Variants in CD58 observed in about 807,000 individuals in gnomAD.
CD58 encodes CD58 molecule, also known as lymphocyte function-associated antigen 3.
A neutral mutation model predicts 27.6 loss-of-function variants in CD58; 14 were observed. The observed-to-expected ratio is 0.51, with a 90% confidence interval of 0.34 to 0.79. CD58 has a LOEUF of 0.79. Ranked by LOEUF, CD58 falls within the 30% of genes least tolerant of loss-of-function variation. The pLI is 0.02. For missense variants in CD58, 268 were observed against 301.7 expected (o/e 0.89, Z 0.83); for synonymous variants, 117 against 103.8 (o/e 1.13, Z -0.77).
rs1051711920 is a variant in CD58, at chr1:116,559,928, G to C, written c.70+10975C>G. The C allele has an allele frequency of 3.9e-5, 6 of 153,894 alleles. No individual in the cohort carries two copies. The highest frequency in any genetic ancestry group is 3.3e-4 in the Admixed American group (5 of 15,284). The allele number at this position is 153,894 out of a possible 1,614,324, so 9.5% of individuals were successfully genotyped here. On this transcript the variant is annotated intron_variant, in intron 1 of 5. Coordinates refer to ENST00000369489, the MANE Select transcript of CD58 (RefSeq NM_001779.3). The surrounding 1 kb of genome is among the most constrained non-coding windows in gnomAD (Gnocchi z 4.4). ...ACCTGAAATATGGTTAGTTCAAATG[G>C]AGATGTGTTCTGAGTATCAAATACA...
At chr1:116,567,177 A>AGAAGG (rs536890121) in intron 1 of CD58, among the ~76,000 whole-genome samples, 15,711 of 118,488 alleles carry the variant, frequency 0.13, 1,613 homozygotes, top group Non-Finnish European at 0.2. Flanking sequence ...AAAGAAGGAA[A>AGAAGG]GAAGGGAAGG....
chr1:116,549,435 A>G (rs1430859734), intron 1 of CD58, among the ~76,000 whole-genome samples: 1 of 152,212 alleles, frequency 6.6e-6, no homozygotes, highest in Admixed American at 6.5e-5. Flanking sequence ...GAGCAATGGC[A>G]TGAGAAAAGT....
At chr1:116,568,849 G>A (rs1002931100) in intron 1 of CD58, among the ~76,000 whole-genome samples, 2 of 152,220 alleles carry the variant, frequency 1.3e-5, no homozygotes, top group Admixed American at 1.3e-4. Flanking sequence ...CCAAAGCTAG[G>A]CATCTGACCC....
intron 1 of CD58, among the ~76,000 whole-genome samples, chr1:116,547,503 G>C (rs778080770): frequency 2.7e-5 from 4 of 150,494 alleles, no homozygotes; most frequent in Non-Finnish European, 5.9e-5. Context: ...TTTTTTTTTT[G>C]TATTTTTAGT....
At position 116,526,314 on chromosome 1, in the gene CD58, G is replaced by A. The variant is rs114850828; in HGVS notation, c.629-4331C>T. ...TCTCTTATGTTTTAGGAGTCTTATG[G>A]TTTTGCATTTTACATTTAGATCTAT... On this transcript the variant is annotated intron_variant, in intron 3 of 5. Transcript: ENST00000369489. 1.6e-3 allele frequency among the ~76,000 whole-genome samples: 249 copies of A among 152,204 alleles called. 1 individual carries two copies. The highest frequency in any genetic ancestry group is 5.7e-3 in the African/African-American group (235 of 41,544).
rs1019546830 is a variant in CD58 at position 116,557,988 on chromosome 1, G to C, written c.70+12915C>G. Among the ~76,000 whole-genome samples the C allele has an allele frequency of 2.0e-5, 3 of 151,914 alleles. No individual in the cohort carries two copies. The highest frequency in any genetic ancestry group is 4.8e-5 in the African/African-American group (2 of 41,356). On this transcript the variant is annotated intron_variant, in intron 1 of 5. Coordinates refer to ENST00000369489, the MANE Select transcript of CD58 (RefSeq NM_001779.3). The surrounding 1 kb of genome is among the most constrained non-coding windows in gnomAD (Gnocchi z 5.2). The stretch of plus-strand genomic sequence containing the variant: ...CATGCCCAGCCAATGCCATACCTTA[G>C]AGACAAGCTAATCACTCTTCCGGGA...
Position 116,536,276 on chromosome 1 carries a change from A to G in CD58, c.365-48T>C. The G allele has an allele frequency of 7.0e-7, 1 of 1,431,394 alleles. No individual in the cohort carries two copies. The allele number at this position is 1,431,394 out of a possible 1,614,324, so 88.7% of individuals were successfully genotyped here. A position where few individuals can be genotyped will look rare whatever the true frequency, so the allele number is the denominator to read the frequency against. ...TAGTACAGAAAATAGTAATATTTAGACTTATCATCTGCAAATTTATGAAGA... is the reference window on the plus strand; with the variant it reads ...TAGTACAGAAAATAGTAATATTTAGGCTTATCATCTGCAAATTTATGAAGA... On this transcript the variant is annotated intron_variant, in intron 2 of 5. Transcript: ENST00000369489. This position sits in a 1 kb window ranked among gnomAD's most constrained non-coding sequence, Gnocchi z 5.4.
At chr1:116,562,525 G>A (rs773989808) in intron 1 of CD58, among the ~76,000 whole-genome samples, 24 of 152,006 alleles carry the variant, frequency 1.6e-4, no homozygotes, top group Non-Finnish European at 2.4e-4. Flanking sequence ...GTCCATTCTC[G>A]CACTGCTAAT....
At chr1:116,525,003 C>T (rs1657385504) in intron 3 of CD58, among the ~76,000 whole-genome samples, 1 of 152,208 alleles carries the variant, frequency 6.6e-6, no homozygotes, top group Non-Finnish European at 1.5e-5. Context: ...ATAGCCTCCC[C>T]ATTATCAATA....
chr1:116,521,970 G>C lies in CD58; in HGVS notation c.642C>G (p.His214Gln), dbSNP rs370263320. Residue 214 changes from histidine (H) to glutamine (Q), a missense_variant, in exon 4 of 6, where the codon CAC becomes CAG. Transcript: ENST00000369489. This position sits in a 1 kb window ranked among gnomAD's most constrained non-coding sequence, Gnocchi z 5.6. ...TCIPSSGHSR[H>Q]RYALIPIPLA... The stretch of plus-strand genomic sequence containing the variant: ...ATGGTATGGGTATAAGTGCATATCT[G>C]TGTCTTGAATGACCTATAAAAAAGA... 16 of 1,566,024 alleles carry C rather than the reference G, an allele frequency of 1.0e-5. No homozygotes were observed. The African/African-American group carries it at 2.2e-4, about 21-fold the overall frequency.
At chr1:116,554,304 T>C (rs886293868) in intron 1 of CD58, among the ~76,000 whole-genome samples, 1 of 152,120 alleles carries the variant, frequency 6.6e-6, no homozygotes. Flanking sequence ...CAGGATATTC[T>C]CCTTTTATTA....
chr1:116,562,652 T>C (rs1658794089), intron 1 of CD58, among the ~76,000 whole-genome samples: 1 of 152,202 alleles, frequency 6.6e-6, no homozygotes, highest in South Asian at 2.1e-4. Flanking sequence ...AGCAAAGTCA[T>C]GTCTTAATGG....
intron 1 of CD58, among the ~76,000 whole-genome samples, chr1:116,565,729 T>G (rs1244151540): frequency 4.0e-5 from 6 of 149,326 alleles, no homozygotes; most frequent in South Asian, 2.1e-4. Flanking sequence ...GTTTTTTTGT[T>G]TTTTTTTTTT....
rs1658361151 is a variant in CD58 at position 116,550,695 on chromosome 1, T to G, written c.71-6091A>C. ...AACCACAAATATTCTTAATGACATC[T>G]AGAATGCTGAATCCTTTCAGAAGGT... On this transcript the variant is annotated intron_variant, in intron 1 of 5. Transcript: ENST00000369489. The surrounding 1 kb of genome is among the most constrained non-coding windows in gnomAD (Gnocchi z 4.2). Among the ~76,000 whole-genome samples the G allele has an allele frequency of 6.6e-6, 1 of 152,170 alleles. No homozygotes were observed. The highest frequency in any genetic ancestry group is 6.5e-5 in the Admixed American group (1 of 15,278).
chr1:116,537,916 A>G (rs1657869798), intron 2 of CD58, among the ~76,000 whole-genome samples: 2 of 152,262 alleles, frequency 1.3e-5, no homozygotes. Flanking sequence ...GTTCACCAAG[A>G]TAATGGAATA....
chr1:116,569,964 T>C (rs1659084707), intron 1 of CD58, among the ~76,000 whole-genome samples: 1 of 152,052 alleles, frequency 6.6e-6, no homozygotes. Flanking sequence ...TCTCAACCCC[T>C]CCCCCTTGGC....
chr1:116,565,724 T>C (rs548368624), intron 1 of CD58, among the ~76,000 whole-genome samples: 1 of 150,748 alleles, frequency 6.6e-6, no homozygotes, highest in East Asian at 1.9e-4. Context: ...GTTTTGTTTT[T>C]TTGTTTTTTT....
rs1014476517 is a variant in CD58, at chr1:116,515,770, A to G, written c.744-948T>C. On this transcript the variant is annotated intron_variant, in intron 5 of 5. Coordinates refer to ENST00000369489, the MANE Select transcript of CD58 (RefSeq NM_001779.3). This position sits in a 1 kb window ranked among gnomAD's most constrained non-coding sequence, Gnocchi z 4.6. ...CCTTTTTAATTTGGCTAACTTTGTG[A>G]TCTGTTTTCTAGACACTTACACAAA... 3.9e-5 allele frequency among the ~76,000 whole-genome samples: 6 copies of G among 152,054 alleles called. No individual in the cohort carries two copies. The highest frequency in any genetic ancestry group is 2.9e-5 in the Non-Finnish European group (2 of 68,012).
At chr1:116,539,356 G>GT (rs1236363252) in intron 2 of CD58, among the ~76,000 whole-genome samples, 1 of 152,170 alleles carries the variant, frequency 6.6e-6, no homozygotes, top group Non-Finnish European at 1.5e-5. Context: ...AGCTGGAAGA[G>GT]TTTTAAGAAA....
Sources: allele counts gnomAD v4.1 joint callset (sites outside exome capture counted in the v4.1 genomes callset), GRCh38; gene constraint gnomAD v4.1.1; non-coding constraint Gnocchi (gnomAD v3.1); transcripts MANE v1.5; gene names NCBI Gene and HGNC (gene_info 2026-07-23, HGNC 2026-07-21).